PPP4R4: variants seen among roughly 807,000 people sequenced by gnomAD.
PPP4R4 encodes the protein protein phosphatase 4 regulatory subunit 4.
A neutral mutation model predicts 121.8 loss-of-function variants in PPP4R4; 70 were observed. The observed-to-expected ratio is 0.57, with a 90% confidence interval of 0.47 to 0.70. The LOEUF is 0.70. Among genes scored for constraint, PPP4R4 ranks in the 30% least tolerant of loss-of-function variants. PPP4R4 has a pLI of 0.00. For missense variants in PPP4R4, 875 were observed against 1,033.6 expected, an observed-to-expected ratio of 0.85 and a Z score of 2.10; for synonymous variants, 348 against 355.7, an observed-to-expected ratio of 0.98 and a Z score of 0.24.
At chr14:94,224,803 T>C (rs1891606260) in intron 3 of PPP4R4, among the ~76,000 whole-genome samples, 1 of 151,980 alleles carries the variant, frequency 6.6e-6, no homozygotes, top group African/African-American at 2.4e-5. Context: ...TTTAAAGTCG[T>C]TGGTGTGGAG....
chr14:94,246,241 C>T (rs1892888132), intron 13 of PPP4R4, 116 bp from the exon 14 acceptor site: 1 of 834,768 alleles, frequency 1.2e-6, no homozygotes, highest in African/African-American at 1.7e-5. Flanking sequence ...TAAGATGTCT[C>T]CTAAACTCTG....
intron 5 of PPP4R4, among the ~76,000 whole-genome samples, chr14:94,232,426 A>G (rs561983495): frequency 2.4e-4 from 37 of 152,342 alleles, no homozygotes; most frequent in Admixed American, 9.1e-4. Flanking sequence ...ATGTTTGCAT[A>G]CTTGATGCCA....
chr14:94,186,080 A>G (rs117562583), intron 2 of PPP4R4, among the ~76,000 whole-genome samples: 2,650 of 152,310 alleles, frequency 0.017, 23 homozygotes, highest in Non-Finnish European at 0.028. Context: ...GTTGGGTCAT[A>G]TGCTGACTAT....
intron 2 of PPP4R4, among the ~76,000 whole-genome samples, chr14:94,187,764 A>G (rs1889368479): frequency 6.6e-6 from 1 of 152,096 alleles, no homozygotes; most frequent in Admixed American, 6.5e-5. Context: ...ATAGTTTTGA[A>G]GAATACTGGT....
chr14:94,276,339 A>G (rs1321239671), intron 24 of PPP4R4, among the ~76,000 whole-genome samples: 1 of 152,202 alleles, frequency 6.6e-6, no homozygotes, highest in South Asian at 2.1e-4. Context: ...AGTCCCTTTT[A>G]GGATCTGATT....
At chr14:94,195,015 C>A (rs1442268216) in intron 2 of PPP4R4, among the ~76,000 whole-genome samples, 1 of 152,114 alleles carries the variant, frequency 6.6e-6, no homozygotes, top group East Asian at 1.9e-4. Flanking sequence ...TTACTTTTAA[C>A]ATCATTATGA....
At chr14:94,202,587 T>C (rs1165602756) in intron 2 of PPP4R4, among the ~76,000 whole-genome samples, 1 of 152,196 alleles carries the variant, frequency 6.6e-6, no homozygotes, top group African/African-American at 2.4e-5. Flanking sequence ...TGCTGATAGT[T>C]TTAAATCATG....
intron 3 of PPP4R4, among the ~76,000 whole-genome samples, chr14:94,224,970 A>C (rs1385173498): frequency 2.6e-5 from 4 of 152,192 alleles, no homozygotes; most frequent in Admixed American, 1.3e-4. Context: ...TAGGTTCTTG[A>C]TTACTTCTAA....
chr14:94,242,914 C>T (rs1384898154), intron 11 of PPP4R4, among the ~76,000 whole-genome samples: 4 of 152,080 alleles, frequency 2.6e-5, no homozygotes, highest in Admixed American at 2.0e-4. Flanking sequence ...ACTTTTTAAC[C>T]CTTGAAGTTG....
chr14:94,182,015 G>A (rs1889019305), intron 2 of PPP4R4, among the ~76,000 whole-genome samples: 2 of 152,194 alleles, frequency 1.3e-5, no homozygotes, highest in Admixed American at 6.5e-5. Flanking sequence ...TTGCAAGGGA[G>A]TAGAGAGTAT....
At chr14:94,235,664 G>C (rs1011407927) in intron 7 of PPP4R4, among the ~76,000 whole-genome samples, 2 of 151,732 alleles carry the variant, frequency 1.3e-5, no homozygotes, top group African/African-American at 4.8e-5. Flanking sequence ...CTCCCAAAGT[G>C]CTGGGATTAC....
chr14:94,253,424 C>T (rs2139604958), intron 16 of PPP4R4, among the ~76,000 whole-genome samples: 1 of 152,294 alleles, frequency 6.6e-6, no homozygotes, highest in Admixed American at 6.5e-5. Context: ...CACACCACTG[C>T]ACTCCAGCCT....
intron 3 of PPP4R4, among the ~76,000 whole-genome samples, chr14:94,229,504 A>G (rs539032981): frequency 3.7e-4 from 56 of 152,190 alleles, no homozygotes; most frequent in Non-Finnish European, 7.5e-4. Flanking sequence ...TTCCAACTAG[A>G]TATCCAAAGG....
chr14:94,242,362 A>G lies in PPP4R4; in HGVS notation c.1220A>G (p.Asp407Gly). 1 of 1,610,390 alleles carries G rather than the reference A, an allele frequency of 6.2e-7. No homozygotes were observed. Among genetic ancestry groups the G allele is most frequent in the Non-Finnish European group, 8.5e-7 (1 of 1,176,854 alleles). Residue 407 changes from aspartate (D) to glycine (G), a missense_variant, in exon 11 of 25, where the codon GAC (aspartate) becomes GGC (glycine). Physicochemically the swap from Asp to Gly is moderately conservative, Grantham distance 94. Transcript: ENST00000304338. ...TCTACATTCTTCTGCCTTTGCCATG[A>G]CCCTGAAGTACCAGTCAGATACACT... ...LYSTFFCLCH[D>G]PEVPVRYTIA...
intron 3 of PPP4R4, among the ~76,000 whole-genome samples, chr14:94,215,583 CT>C (rs1890979028): frequency 6.6e-6 from 1 of 151,984 alleles, no homozygotes; most frequent in African/African-American, 2.4e-5. Flanking sequence ...GAAATAATTC[CT>C]ATAATGTAAG....
intron 3 of PPP4R4, among the ~76,000 whole-genome samples, chr14:94,213,268 G>A (rs1054136569): frequency 6.6e-6 from 1 of 152,140 alleles, no homozygotes; most frequent in Non-Finnish European, 1.5e-5. Flanking sequence ...TATAAAATGT[G>A]TAATTTAATG....
intron 1 of PPP4R4, among the ~76,000 whole-genome samples, chr14:94,174,809 CA>C (rs1888575921): frequency 6.6e-6 from 1 of 152,004 alleles, no homozygotes; most frequent in South Asian, 2.1e-4. Context: ...TCTGGACCCC[CA>C]TCCCCAAGGG....
At chr14:94,230,773 TG>T (rs1891984021) in intron 4 of PPP4R4, 39 bp downstream of exon 4, 4 of 1,551,676 alleles carry the variant, frequency 2.6e-6, no homozygotes, top group African/African-American at 1.4e-5. Context: ...ACTTGTTTAT[TG>T]TTTTTTTGTG....
Position 94,174,520 on chromosome 14 carries a change from G to A in PPP4R4, c.55G>A (p.Gly19Ser), listed in dbSNP as rs767422611. The change falls in exon 1 of 25, where the codon GGT (glycine) becomes AGT (serine). Residue 19 changes from glycine to serine, a missense_variant. Transcript: ENST00000304338. ...GGATTTCAGTCAGAACAGCCTGTTCGGTTACATGGAGGACCTGCAGGAGCT... is the reference window on the plus strand; with the variant it reads ...GGATTTCAGTCAGAACAGCCTGTTCAGTTACATGGAGGACCTGCAGGAGCT... ...AMDFSQNSLFGYMEDLQELTI... is the reference protein window; with the variant it reads ...AMDFSQNSLFSYMEDLQELTI... 6 of 1,612,310 alleles carry A rather than the reference G, an allele frequency of 3.7e-6. No individual in the cohort carries two copies. In the East Asian group the frequency reaches 1.3e-4, roughly 36 times the overall value.
Sources: allele counts gnomAD v4.1 joint callset (sites outside exome capture counted in the v4.1 genomes callset), GRCh38; gene constraint gnomAD v4.1.1; transcripts MANE v1.5; gene names NCBI Gene and HGNC (gene_info 2026-07-23, HGNC 2026-07-21).